JARID2: variants seen among roughly 807,000 people sequenced by gnomAD.
JARID2 encodes the protein protein Jumonji.
Under a neutral mutation model 125.6 loss-of-function variants are expected in JARID2, and 21 were observed. That is an observed-to-expected ratio of 0.17 (90% CI 0.12 to 0.24). The LOEUF is 0.24. JARID2 is among the 10% of genes least tolerant of loss of function. The pLI is 1.00. For missense variants in JARID2, 1,303 were observed against 1,639.6 expected (o/e 0.79, Z 3.55); for synonymous variants, 736 against 661.6 (o/e 1.11, Z -1.73).
chr6:15,493,233 G>A (rs1770243855), intron 6 of JARID2, among the ~76,000 whole-genome samples: 1 of 152,098 alleles, frequency 6.6e-6, no homozygotes, highest in Non-Finnish European at 1.5e-5. Flanking sequence ...ACGGATTTGT[G>A]GGAACACTGA....
chr6:15,517,545 CT>C (rs1367170035), intron 17 of JARID2, among the ~76,000 whole-genome samples: 1 of 152,236 alleles, frequency 6.6e-6, no homozygotes, highest in East Asian at 1.9e-4. Flanking sequence ...TTCCCAAGGG[CT>C]GCACCACTGT....
chr6:15,414,141 A>G (rs965284506), intron 3 of JARID2, among the ~76,000 whole-genome samples: 3 of 152,170 alleles, frequency 2.0e-5, no homozygotes, highest in Admixed American at 2.0e-4. Context: ...AAAGGGGAAG[A>G]CTGAGAGGGA....
chr6:15,332,073 G>A (rs983474745), intron 1 of JARID2, among the ~76,000 whole-genome samples: 5 of 152,212 alleles, frequency 3.3e-5, no homozygotes, highest in African/African-American at 9.6e-5. Context: ...GAAAATAGTC[G>A]CAGTGCCAAG....
chr6:15,283,239 A>G (rs1229581553), intron 1 of JARID2, among the ~76,000 whole-genome samples: 2 of 150,450 alleles, frequency 1.3e-5, no homozygotes, highest in Admixed American at 6.6e-5. Flanking sequence ...TGGCCTCCCA[A>G]AGTGCTGGGA....
intron 1 of JARID2, among the ~76,000 whole-genome samples, chr6:15,327,227 G>C (rs969344772): frequency 6.6e-6 from 1 of 151,972 alleles, no homozygotes; most frequent in Non-Finnish European, 1.5e-5. Flanking sequence ...AAATAAAAAT[G>C]GTAACTTCTA....
At chr6:15,341,992 T>C (rs1581433230) in intron 1 of JARID2, among the ~76,000 whole-genome samples, 1 of 151,216 alleles carries the variant, frequency 6.6e-6, no homozygotes, top group East Asian at 1.9e-4. Context: ...CATTTGGGCT[T>C]TCTGCTAAAA....
intron 1 of JARID2, among the ~76,000 whole-genome samples, chr6:15,345,249 A>T (rs973949319): frequency 6.6e-6 from 1 of 152,240 alleles, no homozygotes; most frequent in Admixed American, 6.5e-5. Context: ...GGAACGCAGC[A>T]TAGTTTAATA....
At position 15,412,496 on chromosome 6, in the gene JARID2, A is replaced by G. The variant is rs180986951; in HGVS notation, c.323+2131A>G. ...GCTAATTCTTGTATTTTTAGTAGAG[A>G]TGGGGTTTTGCCATGTTGGCCAAGC... On this transcript the variant is annotated intron_variant, in intron 3 of 17. Coordinates refer to ENST00000341776, the MANE Select transcript of JARID2 (RefSeq NM_004973.4). Among the ~76,000 whole-genome samples the G allele has an allele frequency of 2.6e-3, 391 of 152,088 alleles. 4 individuals are homozygous for G. The highest frequency in any genetic ancestry group is 0.01 in the Middle Eastern group (3 of 294).
chr6:15,388,670 A>T (rs1425325585), intron 2 of JARID2, among the ~76,000 whole-genome samples: 1 of 151,520 alleles, frequency 6.6e-6, no homozygotes, highest in Non-Finnish European at 1.5e-5. Context: ...CGCCAGTGAC[A>T]TCCCATTCTT....
intron 2 of JARID2, among the ~76,000 whole-genome samples, chr6:15,374,695 G>T (rs146163930): frequency 6.6e-6 from 1 of 152,334 alleles, no homozygotes; most frequent in Admixed American, 6.5e-5. Context: ...GCAGGTTCCT[G>T]CAGTGGGACA....
chr6:15,415,598 A>ACCCC (rs1360918505), intron 3 of JARID2, among the ~76,000 whole-genome samples: 2 of 81,096 alleles, frequency 2.5e-5, no homozygotes, highest in African/African-American at 1.1e-4. Context: ...CGGGGGGCTG[A>ACCCC]CCCCTCCACC....
chr6:15,509,636 G>A (rs1771180255), intron 12 of JARID2, among the ~76,000 whole-genome samples: 1 of 152,242 alleles, frequency 6.6e-6, no homozygotes, highest in African/African-American at 2.4e-5. Flanking sequence ...GGACTATTCC[G>A]AGAGGTGCCT....
chr6:15,377,328 C>T (rs916313216), intron 2 of JARID2, among the ~76,000 whole-genome samples: 16 of 152,168 alleles, frequency 1.1e-4, no homozygotes, highest in Admixed American at 9.2e-4. Context: ...TACTCACTAT[C>T]ACAAGAATAG....
chr6:15,396,411 C>G (rs1451156332), intron 2 of JARID2, among the ~76,000 whole-genome samples: 14 of 152,154 alleles, frequency 9.2e-5, no homozygotes. Flanking sequence ...TTAATCATAG[C>G]TATGTGTACT....
chr6:15,249,553 TTAAC>T (rs1292707639), intron 1 of JARID2, among the ~76,000 whole-genome samples: 5 of 152,210 alleles, frequency 3.3e-5, no homozygotes, highest in Non-Finnish European at 7.4e-5. Context: ...CCATTGCCAC[TTAAC>T]TAAGTCACTG....
intron 1 of JARID2, among the ~76,000 whole-genome samples, chr6:15,372,712 A>AT (rs1434836392): frequency 2.1e-4 from 31 of 148,460 alleles, no homozygotes; most frequent in African/African-American, 6.8e-4. Flanking sequence ...TTATTTATTT[A>AT]TTTATTTTTT....
At chr6:15,299,149 C>T (rs578158943) in intron 1 of JARID2, among the ~76,000 whole-genome samples, 3 of 152,112 alleles carry the variant, frequency 2.0e-5, no homozygotes, top group East Asian at 1.9e-4. Flanking sequence ...TTCACTGACC[C>T]GTGAGCCTTA....
At chr6:15,280,815 G>A (rs1039571518) in intron 1 of JARID2, among the ~76,000 whole-genome samples, 2 of 152,012 alleles carry the variant, frequency 1.3e-5, no homozygotes, top group African/African-American at 4.8e-5. Flanking sequence ...TTTCATTACA[G>A]ATGGGGTTTC....
In JARID2 at chr6:15,520,293, AATT is replaced by A. The variant is rs749647326; in HGVS notation, c.*48_*50del. The A allele has an allele frequency of 9.0e-6, 13 of 1,447,788 alleles. No homozygotes were observed. In the Middle Eastern group the frequency reaches 7.8e-4, roughly 86 times the overall value. 89.7% of individuals were successfully genotyped at this position (1,447,788 alleles called of 1,614,324 possible). A position where few individuals can be genotyped will look rare whatever the true frequency, so the allele number is the denominator to read the frequency against. ...GGTCGATTTATATATATTTTTTTGT[AATT>A]ATTATATTCTAGTTTGGAGTACTTG... On this transcript the variant is annotated 3_prime_UTR_variant, in exon 18 of 18. Coordinates refer to ENST00000341776, the MANE Select transcript of JARID2 (RefSeq NM_004973.4).
Sources: gnomAD v4.1 joint callset for allele counts (sites outside exome capture counted in the v4.1 genomes callset) on GRCh38, gnomAD v4.1.1 for gene constraint, MANE v1.5 for transcripts, NCBI Gene and HGNC (gene_info 2026-07-23, HGNC 2026-07-21) for gene names.